The following PROS1 variants were observed in gnomAD, a reference collection of about 807,000 sequenced individuals.
The protein encoded by PROS1 is protein S, also known as vitamin K-dependent protein S.
In PROS1, 29 loss-of-function variants were observed where a neutral mutation model predicts 75.9. That is an observed-to-expected ratio of 0.38 (90% CI 0.28 to 0.52). The LOEUF is 0.52. Ranked by LOEUF, PROS1 falls within the 20% of genes least tolerant of loss-of-function variation. The probability of loss-of-function intolerance (pLI) is 0.83; values close to 1 mark genes in which losing one functional copy is unlikely to be tolerated. For missense variants in PROS1, 680 were observed against 810.3 expected (o/e 0.84, Z 1.95); for synonymous variants, 245 against 280.6 (o/e 0.87, Z 1.27).
chr3:93,968,668 T>A (rs561507536), intron 1 of PROS1, among the ~76,000 whole-genome samples: 2 of 152,218 alleles, frequency 1.3e-5, no homozygotes, highest in South Asian at 2.1e-4. Flanking sequence ...TCTAACATAT[T>A]TTCCACTGAA....
chr3:93,902,759 A>AAAG (rs912095684), intron 6 of PROS1, among the ~76,000 whole-genome samples: 7 of 152,032 alleles, frequency 4.6e-5, no homozygotes, highest in Non-Finnish European at 1.0e-4. Flanking sequence ...CAAAAAAAAA[A>AAAG]AAGAAGAAGA....
At chr3:93,958,694 A>AG (rs1709650549) in intron 1 of PROS1, 1 of 152,226 alleles carries the variant, frequency 6.6e-6, no homozygotes, top group Non-Finnish European at 1.5e-5. Context: ...ATGGTGGTGA[A>AG]TAAGTCTCAT....
chr3:93,952,303 T>C (rs904945903), intron 1 of PROS1, among the ~76,000 whole-genome samples: 2 of 152,078 alleles, frequency 1.3e-5, no homozygotes, highest in African/African-American at 2.4e-5. Context: ...TCACACTTAT[T>C]CCAAAATTGA....
chr3:93,927,873 A>ATGTG (rs1553814475), intron 1 of PROS1, among the ~76,000 whole-genome samples: 2 of 124,150 alleles, frequency 1.6e-5, no homozygotes, highest in East Asian at 4.7e-4. Context: ...ATATATATAT[A>ATGTG]TGTGTGTATG....
In PROS1 at chr3:93,887,007, T is replaced by C. The variant is rs1196056582; in HGVS notation, c.1156-504A>G. ...AATCTCGGCTCACTGCAAGCTCCGC[T>C]TCCCGGGTTCACGCCATTCTCCTGC... On this transcript the variant is annotated intron_variant, in intron 10 of 14. Transcript: ENST00000394236. Among the ~76,000 whole-genome samples the C allele has an allele frequency of 2.7e-5, 4 of 150,702 alleles. 1 individual carries two copies. Among genetic ancestry groups the C allele is most frequent in the African/African-American group, 9.7e-5 (4 of 41,030 alleles).
intron 1 of PROS1, among the ~76,000 whole-genome samples, chr3:93,948,990 C>T (rs1709448354): frequency 6.6e-6 from 1 of 152,104 alleles, no homozygotes; most frequent in African/African-American, 2.4e-5. Flanking sequence ...AAAAACATTG[C>T]AAGCATGGCA....
chr3:93,909,433 TAA>T (rs752049146), intron 4 of PROS1, among the ~76,000 whole-genome samples: 13 of 79,898 alleles, frequency 1.6e-4, no homozygotes, highest in Admixed American at 4.4e-4. Context: ...AGAGCTTGTC[TAA>T]AAAAAAAAAA....
intron 7 of PROS1, 117 bp from the exon 8 acceptor site, chr3:93,898,686 G>T: frequency 8.3e-7 from 1 of 1,202,864 alleles, no homozygotes; most frequent in East Asian, 2.4e-5. Flanking sequence ...GAACCTTAGG[G>T]AAAGAAATAC....
chr3:93,878,717 A>G (rs1384847988), intron 13 of PROS1, among the ~76,000 whole-genome samples: 3 of 152,224 alleles, frequency 2.0e-5, no homozygotes, highest in Non-Finnish European at 4.4e-5. Flanking sequence ...GGGAGAAAAG[A>G]TTAAGAGTGT....
intron 1 of PROS1, among the ~76,000 whole-genome samples, chr3:93,942,643 C>A (rs1193239306): frequency 2.6e-5 from 4 of 152,196 alleles, no homozygotes; most frequent in African/African-American, 9.6e-5. Flanking sequence ...GCAAATGGTT[C>A]TTGGACCAAG....
At chr3:93,938,421 C>G (rs1709223842) in intron 1 of PROS1, among the ~76,000 whole-genome samples, 1 of 152,168 alleles carries the variant, frequency 6.6e-6, no homozygotes, top group African/African-American at 2.4e-5. Flanking sequence ...TTGGTGGTCT[C>G]TTCACACGGA....
intron 1 of PROS1, among the ~76,000 whole-genome samples, chr3:93,954,466 G>A (rs909467516): frequency 3.9e-5 from 6 of 152,090 alleles, no homozygotes; most frequent in African/African-American, 1.4e-4. Context: ...ACAAAAACAA[G>A]AAATGGGGAA....
intron 1 of PROS1, among the ~76,000 whole-genome samples, chr3:93,930,557 GT>G (rs1384205693): frequency 1.3e-5 from 2 of 152,128 alleles, no homozygotes; most frequent in Non-Finnish European, 2.9e-5. Flanking sequence ...GGAATTAGGA[GT>G]TTGATAGTGA....
chr3:93,876,684 C>T (rs1380188477), intron 14 of PROS1, among the ~76,000 whole-genome samples: 1 of 144,248 alleles, frequency 6.9e-6, no homozygotes, highest in African/African-American at 2.6e-5. Flanking sequence ...AAATATTGAA[C>T]TTATAAGACT....
At chr3:93,931,095 C>T (rs34557251) in intron 1 of PROS1, among the ~76,000 whole-genome samples, 55,023 of 152,020 alleles carry the variant, frequency 0.36, 10,940 homozygotes, top group East Asian at 0.52. Context: ...GTTCAAAGCA[C>T]GAATTAATTA....
chr3:93,878,638 A>G (rs935019306), intron 13 of PROS1, among the ~76,000 whole-genome samples: 2 of 152,204 alleles, frequency 1.3e-5, no homozygotes, highest in African/African-American at 4.8e-5. Flanking sequence ...CTAATTTCAA[A>G]TAAGAGTTGC....
rs192559367 is a variant in PROS1, at chr3:93,882,186, T to A, written c.1492+2542A>T. On this transcript the variant is annotated intron_variant, in intron 12 of 14. Transcript: ENST00000394236. ...TTCTGTTGGTAGAAATATTAATTGATAAAAGATTTTTGGAAAAGAATGTAA... is the reference window on the plus strand; with the variant it reads ...TTCTGTTGGTAGAAATATTAATTGAAAAAAGATTTTTGGAAAAGAATGTAA... Among the ~76,000 whole-genome samples, 8 of 152,316 alleles carry A rather than the reference T, an allele frequency of 5.3e-5. No individual in the cohort carries two copies. In the East Asian group the frequency reaches 1.5e-3, roughly 29 times the overall value.
chr3:93,961,487 C>A (rs1158869958), intron 1 of PROS1, among the ~76,000 whole-genome samples: 1 of 152,200 alleles, frequency 6.6e-6, no homozygotes, highest in Non-Finnish European at 1.5e-5. Flanking sequence ...ATTCTCCCAA[C>A]AATCAGGAAG....
chr3:93,906,726 C>CT (rs1052791759), intron 4 of PROS1, among the ~76,000 whole-genome samples: 4 of 152,226 alleles, frequency 2.6e-5, no homozygotes, highest in Non-Finnish European at 5.9e-5. Context: ...TCTTGAGGGC[C>CT]TGGGGAGGCC....
Sources: gnomAD v4.1 joint callset for allele counts (sites outside exome capture counted in the v4.1 genomes callset) on GRCh38, gnomAD v4.1.1 for gene constraint, MANE v1.5 for transcripts, NCBI Gene and HGNC (gene_info 2026-07-23, HGNC 2026-07-21) for gene names.